JAKMIP3: variants seen among roughly 807,000 people sequenced by gnomAD.
The protein encoded by JAKMIP3 is Janus kinase and microtubule interacting protein 3.
In JAKMIP3, 58 loss-of-function variants were observed where a neutral mutation model predicts 118.5. The observed-to-expected ratio is 0.49, with a 90% confidence interval of 0.40 to 0.61. The LOEUF is 0.61. JAKMIP3 is among the 20% of genes least tolerant of loss of function. JAKMIP3 has a pLI of 0.00. For synonymous variants in JAKMIP3, 486 were observed against 451.2 expected, an observed-to-expected ratio of 1.08 and a Z score of -0.98; for missense variants, 950 against 1,109.0, an observed-to-expected ratio of 0.86 and a Z score of 2.04.
rs1405587169 is a variant in JAKMIP3, at chr10:132,152,924, T to A, written c.2008-34T>A. ...CACCCTCACCCCCAAAGGCACTGCTTCTGACCGCACCTGTGTTCTGCTTTT... is the reference window on the plus strand; with the variant it reads ...CACCCTCACCCCCAAAGGCACTGCTACTGACCGCACCTGTGTTCTGCTTTT... On this transcript the variant is annotated intron_variant, in intron 16 of 23. Coordinates refer to ENST00000684848, the MANE Select transcript of JAKMIP3 (RefSeq NM_001323087.2). The A allele has an allele frequency of 4.5e-6, 7 of 1,562,678 alleles. 1 individual carries two copies. In the African/African-American group the frequency reaches 9.5e-5, roughly 21 times the overall value.
chr10:132,149,132 G>A (rs1378279534), intron 14 of JAKMIP3, among the ~76,000 whole-genome samples: 5 of 152,200 alleles, frequency 3.3e-5, no homozygotes, highest in Non-Finnish European at 1.5e-5. Flanking sequence ...GGATGTGCCC[G>A]TGGGCTCAGG....
chr10:132,180,903 C>T (rs1007826031), intron 23 of JAKMIP3, among the ~76,000 whole-genome samples: 1 of 151,880 alleles, frequency 6.6e-6, no homozygotes, highest in Non-Finnish European at 1.5e-5. Context: ...ATGTGTTGTG[C>T]ATTGCATGTG....
chr10:132,100,760 G>A (rs867527044), intron 1 of JAKMIP3, among the ~76,000 whole-genome samples: 5 of 151,994 alleles, frequency 3.3e-5, no homozygotes, highest in Admixed American at 6.5e-5. Flanking sequence ...GATGCGAGGC[G>A]AGACTTGAAA....
chr10:132,139,049 A>AGAGAGTGTGTGT (rs71228743), intron 9 of JAKMIP3, among the ~76,000 whole-genome samples: 6 of 150,192 alleles, frequency 4.0e-5, no homozygotes, highest in South Asian at 2.1e-4. Flanking sequence ...CTTTATGTTG[A>AGAGAGTGTGTGT]GTGTGTGTGT....
chr10:132,096,396 TACA>T (rs2043863012), intron 1 of JAKMIP3, among the ~76,000 whole-genome samples: 1 of 152,216 alleles, frequency 6.6e-6, no homozygotes, highest in Admixed American at 6.5e-5. Context: ...GAGTGACTCA[TACA>T]ACATGTGTCT....
intron 3 of JAKMIP3, among the ~76,000 whole-genome samples, chr10:132,130,904 T>G (rs2050446085): frequency 6.6e-6 from 1 of 152,022 alleles, no homozygotes; most frequent in East Asian, 1.9e-4. Flanking sequence ...GGGCTCAGGG[T>G]TCTGCCTATG....
At chr10:132,076,143 C>A (rs540359274) in intron 1 of JAKMIP3, among the ~76,000 whole-genome samples, 1 of 152,198 alleles carries the variant, frequency 6.6e-6, no homozygotes, top group Non-Finnish European at 1.5e-5. Flanking sequence ...AACTCTGAAC[C>A]CTTGAGCAGT....
upstream of JAKMIP3, among the ~76,000 whole-genome samples, chr10:132,060,224 T>C (rs141211835): frequency 6.6e-6 from 1 of 152,212 alleles, no homozygotes; most frequent in Non-Finnish European, 1.5e-5. Context: ...AGCTAGGTCT[T>C]TGCCTCCCCC....
Position 132,097,933 on chromosome 10 carries a change from TCC to T in JAKMIP3, c.-137-6736_-137-6735del, listed in dbSNP as rs1452465862. Among the ~76,000 whole-genome samples, 9 of 28,342 alleles carry T rather than the reference TCC, an allele frequency of 3.2e-4. 1 individual carries two copies. The highest frequency in any genetic ancestry group is 2.2e-3 in the South Asian group (1 of 460). The allele number at this position is 28,342 out of a possible 152,430, so 18.6% of individuals were successfully genotyped here. A position where few individuals can be genotyped will look rare whatever the true frequency, so the allele number is the denominator to read the frequency against. ...CTTCCCCTTCCCCTTTCCTTCCCCT[TCC>T]CCTTTCCCTTTCCCATCCCCTTTCC... is the stretch of plus-strand genomic sequence containing the variant. On this transcript the variant is annotated intron_variant, in intron 1 of 23. Transcript: ENST00000684848.
intron 13 of JAKMIP3, among the ~76,000 whole-genome samples, chr10:132,146,779 C>T (rs1051787888): frequency 6.6e-6 from 1 of 152,180 alleles, no homozygotes; most frequent in Non-Finnish European, 1.5e-5. Context: ...TCTTGAATGG[C>T]GAACGACACC....
intron 19 of JAKMIP3, among the ~76,000 whole-genome samples, chr10:132,161,181 G>C (rs2058213582): frequency 4.8e-5 from 1 of 20,882 alleles, no homozygotes; most frequent in Non-Finnish European, 1.4e-4. Flanking sequence ...GTGATGCTGG[G>C]GGGTCTCTTC....
rs372663563 is a variant in JAKMIP3 at position 132,161,812 on chromosome 10, TG to T, written c.2221-1389del. On this transcript the variant is annotated intron_variant, in intron 19 of 23. Transcript: ENST00000684848. ...GGGGGTGTCTCTCCCTGTGTGATGC[TG>T]GGGGGGGCCTCTTCTTGGGTGAAGC... 2.6e-3 allele frequency among the ~76,000 whole-genome samples: 215 copies of T among 84,132 alleles called. 2 individuals carry two copies. Among genetic ancestry groups the T allele is most frequent in the African/African-American group, 9.7e-3 (199 of 20,542 alleles). 55.2% of individuals were successfully genotyped at this position (84,132 alleles called of 152,430 possible).
At chr10:132,161,061 T>TCC (rs1441880118) in intron 19 of JAKMIP3, among the ~76,000 whole-genome samples, 17 of 118,632 alleles carry the variant, frequency 1.4e-4, no homozygotes, top group African/African-American at 2.7e-4. Context: ...GGGCGTGTCT[T>TCC]TCTGTGTGAT....
At position 132,046,037 on chromosome 10, in the gene JAKMIP3, C is replaced by T. The variant is rs143300560; in HGVS notation, c.-138+9299C>T. On this transcript the variant is annotated intron_variant, in intron 1 of 23. Transcript: ENST00000657785. ...AGTGAGTTTTGATAAATTCACACAC[C>T]TGTGTAACCCACACCCGGCAGATAT... is the stretch of plus-strand genomic sequence containing the variant. Among the ~76,000 whole-genome samples, 346 of 152,254 alleles carry T rather than the reference C, an allele frequency of 2.3e-3. 4 individuals are homozygous for T. The highest frequency in any genetic ancestry group is 8.0e-3 in the African/African-American group (331 of 41,542).
rs947325882 is a variant in JAKMIP3, at chr10:132,167,930, A to T, written c.*23-23A>T. ...CCAAGCGGAGCCTCGCTGACTCTGCACTCTACGTTTCATTTCTTCCAGCCC... is the reference window on the plus strand; with the variant it reads ...CCAAGCGGAGCCTCGCTGACTCTGCTCTCTACGTTTCATTTCTTCCAGCCC... On this transcript the variant is annotated intron_variant, in intron 22 of 23. Transcript: ENST00000684848. The T allele has an allele frequency of 3.9e-6, 5 of 1,285,092 alleles. No individual in the cohort carries two copies. In the Admixed American group the frequency reaches 1.2e-4, roughly 30 times the overall value. The allele number at this position is 1,285,092 out of a possible 1,614,324, so 79.6% of individuals were successfully genotyped here. A position where few individuals can be genotyped will look rare whatever the true frequency, so the allele number is the denominator to read the frequency against.
chr10:132,140,653 A>G, intron 10 of JAKMIP3, 74 bp downstream of exon 10: 1 of 1,349,070 alleles, frequency 7.4e-7, no homozygotes, highest in Non-Finnish European at 9.7e-7. Flanking sequence ...CTGGGCTTGG[A>G]GGAGGTAACG....
chr10:132,156,903 C>T (rs529880851), intron 19 of JAKMIP3, among the ~76,000 whole-genome samples: 1 of 152,096 alleles, frequency 6.6e-6, no homozygotes, highest in East Asian at 1.9e-4. Context: ...AAAGAATAAT[C>T]AATGTATAGT....
intron 23 of JAKMIP3, among the ~76,000 whole-genome samples, chr10:132,177,845 TG>T (rs1314683809): frequency 6.8e-6 from 1 of 147,616 alleles, no homozygotes; most frequent in African/African-American, 2.5e-5. Flanking sequence ...TCCTGTGCCC[TG>T]GGTAGTGTGC....
Position 132,117,537 on chromosome 10 carries a change from G to T in JAKMIP3, c.596G>T (p.Arg199Leu). Reference protein sequence around the residue: ...VYHLHQEEITRIKKECEREIR... With the variant: ...VYHLHQEEITLIKKECEREIR... ...CACCTGCACCAGGAGGAGATCACCC[G>T]CATCAAGAAGGAGTGCGAGCGGGAG... is the stretch of plus-strand genomic sequence containing the variant. The change falls in exon 3 of 24, where the codon CGC (arginine) becomes CTC (leucine). Residue 199 changes from arginine (R) to leucine (L), a missense_variant. By Grantham distance (102) the Arg-to-Leu change is moderately radical. Coordinates refer to ENST00000684848, the MANE Select transcript of JAKMIP3 (RefSeq NM_001323087.2). This position sits in a 1 kb window ranked among gnomAD's most constrained non-coding sequence, Gnocchi z 8.6. The T allele has an allele frequency of 1.3e-6, 2 of 1,585,564 alleles. No homozygotes were observed. Among genetic ancestry groups the T allele is most frequent in the Non-Finnish European group, 1.7e-6 (2 of 1,165,728 alleles).
Sources: allele counts gnomAD v4.1 joint callset (sites outside exome capture counted in the v4.1 genomes callset), GRCh38; gene constraint gnomAD v4.1.1; non-coding constraint Gnocchi (gnomAD v3.1); transcripts MANE v1.5; gene names NCBI Gene and HGNC (gene_info 2026-07-23, HGNC 2026-07-21).